The following EP300 variants were observed in gnomAD, a reference collection of about 807,000 sequenced individuals.
EP300 encodes the protein histone acetyltransferase p300.
EP300 carries 31 observed loss-of-function variants against 264.0 expected under a neutral mutation model. The observed-to-expected ratio is 0.12, with a 90% CI of 0.09 to 0.16. The LOEUF (loss-of-function observed/expected upper bound fraction) is 0.16, where lower values mean the gene tolerates loss of function less well. EP300 is among the 10% of genes least tolerant of loss of function. EP300 has a pLI of 1.00. For synonymous variants in EP300, 1,340 were observed against 1,045.4 expected, an observed-to-expected ratio of 1.28 and a Z score of -5.44; for missense variants, 2,766 against 3,052.9, an observed-to-expected ratio of 0.91 and a Z score of 2.21.
chr22:41,172,070 T>C (rs907616739), intron 27 of EP300, among the ~76,000 whole-genome samples: 1 of 152,196 alleles, frequency 6.6e-6, no homozygotes. Flanking sequence ...TTCCAGTATT[T>C]GTAGTTTTGG....
intron 5 of EP300, among the ~76,000 whole-genome samples, chr22:41,130,976 A>G (rs186472547): frequency 2.9e-4 from 44 of 152,358 alleles, no homozygotes; most frequent in African/African-American, 9.1e-4. Flanking sequence ...AATAGAAAAT[A>G]GACAATTCAC....
intron 6 of EP300, among the ~76,000 whole-genome samples, chr22:41,132,758 T>C (rs17002301): frequency 0.041 from 6,279 of 152,236 alleles, 434 homozygotes; most frequent in East Asian, 0.21. Flanking sequence ...CCTTTTCAAA[T>C]AGTTTTTTTG....
At chr22:41,155,268 G>T (rs529960129) in intron 17 of EP300, among the ~76,000 whole-genome samples, 155 bp downstream of exon 17, 3 of 151,058 alleles carry the variant, frequency 2.0e-5, no homozygotes, top group African/African-American at 7.3e-5. Context: ...TATTCTGGTT[G>T]CCTAGGCTGG....
chr22:41,102,837 G>C (rs959330054), intron 1 of EP300, among the ~76,000 whole-genome samples: 1 of 152,144 alleles, frequency 6.6e-6, no homozygotes, highest in Non-Finnish European at 1.5e-5. Flanking sequence ...TGAGCAACTT[G>C]TTGGGTGATG....
chr22:41,105,944 A>G (rs1343143692), intron 1 of EP300, among the ~76,000 whole-genome samples: 1 of 152,032 alleles, frequency 6.6e-6, no homozygotes. Context: ...ATTTTTTTGG[A>G]GTATTAGAGA....
intron 4 of EP300, among the ~76,000 whole-genome samples, chr22:41,129,514 G>C (rs966862441): frequency 6.6e-6 from 1 of 152,144 alleles, no homozygotes; most frequent in Non-Finnish European, 1.5e-5. Flanking sequence ...ATTTTTACCC[G>C]ATCTAATACA....
Position 41,177,790 on chromosome 22 carries a change from A to G in EP300, c.6079A>G (p.Met2027Val). ...SVAQHGQPLN[M>V]APQPGLGQVG... ...GGCCCAGCATGGTCAACCTTTGAACATGGCTCCACAACCAGGATTGGGCCA... is the reference window on the plus strand; with the variant it reads ...GGCCCAGCATGGTCAACCTTTGAACGTGGCTCCACAACCAGGATTGGGCCA... The change falls in exon 31 of 31, where the codon ATG becomes GTG. Residue 2027 changes from methionine (M) to valine (V), a missense_variant. Physicochemically the swap from Met to Val is conservative, Grantham distance 21 (BLOSUM62 1). Coordinates refer to ENST00000263253, the MANE Select transcript of EP300 (RefSeq NM_001429.4). 8 of 1,614,024 alleles carry G rather than the reference A, an allele frequency of 5.0e-6. No individual in the cohort carries two copies. The highest frequency in any genetic ancestry group is 3.3e-5 in the South Asian group (3 of 91,086).
chr22:41,146,867 C>A (rs780353683), intron 11 of EP300, 51 bp downstream of exon 11: 2 of 1,476,524 alleles, frequency 1.4e-6, no homozygotes, highest in South Asian at 1.2e-5. Context: ...CGGTGTACTG[C>A]AAGATAATAC....
intron 27 of EP300, 64 bp downstream of exon 27, chr22:41,170,635 C>G (rs2145767194): frequency 1.3e-6 from 1 of 793,088 alleles, no homozygotes; most frequent in Non-Finnish European, 2.0e-6. Context: ...TGTTGCTGCT[C>G]TTTGTTCTGT....
chr22:41,116,609 T>C (rs1311992104), intron 1 of EP300, among the ~76,000 whole-genome samples: 1 of 152,198 alleles, frequency 6.6e-6, no homozygotes, highest in African/African-American at 2.4e-5. Flanking sequence ...CAGTCTGTCA[T>C]TGATGGGGGG....
chr22:41,177,665 G>T lies in EP300; in HGVS notation c.5954G>T (p.Gly1985Val), dbSNP rs2059209719. 3 of 1,613,812 alleles carry T rather than the reference G, an allele frequency of 1.9e-6. No individual in the cohort carries two copies. Among genetic ancestry groups the T allele is most frequent in the Non-Finnish European group, 2.5e-6 (3 of 1,180,038 alleles). ...AGTGGGCATTTGGAGCCAGGGATGG[G>T]ACCGACAGGGATGCAGCAACAGCCA... Reference protein sequence around the residue: ...GPSGHLEPGMGPTGMQQQPPW... With the variant: ...GPSGHLEPGMVPTGMQQQPPW... The change falls in exon 31 of 31, where the codon GGA becomes GTA. Residue 1985 changes from glycine to valine, a missense_variant. Transcript: ENST00000263253.
At chr22:41,160,488 A>G (rs1448384204) in intron 19 of EP300, 154 bp from the exon 20 acceptor site, 5 of 681,088 alleles carry the variant, frequency 7.3e-6, no homozygotes, top group African/African-American at 5.4e-5. Flanking sequence ...GGGCCCATAT[A>G]TCTGCATCAT....
chr22:41,158,907 C>A, intron 19 of EP300: 1 of 217,892 alleles, frequency 4.6e-6, no homozygotes, highest in South Asian at 6.5e-5. Context: ...GAGGCCTATC[C>A]CTAAGTAGTT....
At chr22:41,152,563 A>G (rs967479834) in intron 16 of EP300, among the ~76,000 whole-genome samples, 9 of 149,530 alleles carry the variant, frequency 6.0e-5, no homozygotes, top group African/African-American at 2.2e-4. Flanking sequence ...GAGTTAAGTC[A>G]TTCCCCTCAT....
intron 4 of EP300, 113 bp from the exon 5 acceptor site, chr22:41,129,777 A>G: frequency 1.3e-6 from 1 of 788,346 alleles, no homozygotes; most frequent in Non-Finnish European, 2.1e-6. Flanking sequence ...GGCTGTTAGG[A>G]AGATGAAATA....
chr22:41,149,769 G>A lies in EP300; in HGVS notation c.2388G>A (p.Met796Ile), dbSNP rs755050734. 4 of 1,613,920 alleles carry A rather than the reference G, an allele frequency of 2.5e-6. No individual in the cohort carries two copies. Among genetic ancestry groups the A allele is most frequent in the Non-Finnish European group, 3.4e-6 (4 of 1,180,004 alleles). ...SGQAPVSQAQ[M>I]SSSSCPVNSP... ...GTTTTTTATTTTAACAGGCACAAAT[G>A]TCTAGTTCTTCCTGCCCGGTGAACT... The change falls in exon 14 of 31, where the codon ATG becomes ATA. Residue 796 changes from methionine (M) to isoleucine (I), a missense_variant. Met to Ile is a conservative substitution (Grantham distance 10). Transcript: ENST00000263253.
chr22:41,176,752 C>T (rs1229171049), intron 30 of EP300, 21 bp from the exon 31 acceptor site: 2 of 1,613,772 alleles, frequency 1.2e-6, no homozygotes, highest in Non-Finnish European at 1.7e-6. Context: ...AGTTTACGTG[C>T]ACCTCCTGTT....
At chr22:41,143,907 G>A (rs2058996680) in intron 10 of EP300, among the ~76,000 whole-genome samples, 1 of 152,122 alleles carries the variant, frequency 6.6e-6, no homozygotes, top group Non-Finnish European at 1.5e-5. Context: ...TTAATACAAA[G>A]AATACAGTTA....
At chr22:41,095,232 ATTTTTTTTTTTTTTT>A (rs66515117) in intron 1 of EP300, among the ~76,000 whole-genome samples, 1 of 80,264 alleles carries the variant, frequency 1.2e-5, no homozygotes, top group Non-Finnish European at 2.2e-5. Context: ...TACCATTGTA[ATTTTTTTTTTTTTTT>A]TTTTTTTTTT....
Sources: gnomAD v4.1 joint callset for allele counts (sites outside exome capture counted in the v4.1 genomes callset) on GRCh38, gnomAD v4.1.1 for gene constraint, MANE v1.5 for transcripts, NCBI Gene and HGNC (gene_info 2026-07-23, HGNC 2026-07-21) for gene names.